The following CAMK1D variants were observed in gnomAD, a reference collection of about 807,000 sequenced individuals.
CAMK1D encodes calcium/calmodulin-dependent protein kinase type 1D.
In CAMK1D, 9 loss-of-function variants were observed where a neutral mutation model predicts 47.7. That is an observed-to-expected ratio of 0.19 (90% CI 0.11 to 0.33). The LOEUF (loss-of-function observed/expected upper bound fraction) is 0.33, where lower values mean the gene tolerates loss of function less well. CAMK1D is among the 10% of genes least tolerant of loss of function. The probability of loss-of-function intolerance (pLI) is 1.00; values close to 1 mark genes in which losing one functional copy is unlikely to be tolerated. For synonymous variants in CAMK1D, 184 were observed against 184.9 expected (o/e 0.99, Z 0.04); for missense variants, 291 against 488.7 (o/e 0.60, Z 3.81).
At chr10:12,503,014 G>A (rs913784930) in intron 1 of CAMK1D, among the ~76,000 whole-genome samples, 14 of 151,178 alleles carry the variant, frequency 9.3e-5, no homozygotes, top group African/African-American at 2.7e-4. Flanking sequence ...GCATGCACGC[G>A]TGTATATATG....
chr10:12,754,082 G>C (rs1047507455), intron 3 of CAMK1D, among the ~76,000 whole-genome samples: 2 of 152,048 alleles, frequency 1.3e-5, no homozygotes, highest in African/African-American at 4.8e-5. Context: ...GTAGAGATGG[G>C]ATTTCACCAT....
chr10:12,546,140 A>G (rs1404626716), intron 1 of CAMK1D, among the ~76,000 whole-genome samples: 1 of 152,236 alleles, frequency 6.6e-6, no homozygotes, highest in Non-Finnish European at 1.5e-5. Context: ...GGGTAATGAC[A>G]TAATCAAATC....
rs1251933659 is a variant in CAMK1D at position 12,801,426 on chromosome 10, T to A, written c.641+10193T>A. 2.0e-5 allele frequency among the ~76,000 whole-genome samples: 3 copies of A among 148,818 alleles called. No individual in the cohort carries two copies. The East Asian group carries it at 5.9e-4, about 29-fold the overall frequency. On this transcript the variant is annotated intron_variant, in intron 6 of 10. Coordinates refer to ENST00000619168, the MANE Select transcript of CAMK1D (RefSeq NM_153498.4). Reference sequence around the variant, plus strand: ...TCTGTCCATCTCATTCATCAACCCATCCTTCCATTCATCCATCCATCCATT... The same window carrying A: ...TCTGTCCATCTCATTCATCAACCCAACCTTCCATTCATCCATCCATCCATT...
intron 5 of CAMK1D, among the ~76,000 whole-genome samples, chr10:12,772,282 T>C (rs990309569): frequency 1.3e-5 from 2 of 152,136 alleles, no homozygotes; most frequent in African/African-American, 4.8e-5. Context: ...GGAGAGCCTG[T>C]TCCAACTATC....
intron 1 of CAMK1D, among the ~76,000 whole-genome samples, chr10:12,394,717 A>G (rs1838877188): frequency 6.6e-6 from 1 of 152,140 alleles, no homozygotes; most frequent in Admixed American, 6.6e-5. Flanking sequence ...GTGGGAAACC[A>G]GGTTAGAAAG....
At chr10:12,518,879 A>G (rs1377963263) in intron 1 of CAMK1D, among the ~76,000 whole-genome samples, 8 of 127,864 alleles carry the variant, frequency 6.3e-5, no homozygotes, top group East Asian at 2.1e-4. Context: ...AGTCTCCCAT[A>G]TCTACTTCTT....
chr10:12,721,087 C>A (rs888000726), intron 3 of CAMK1D, among the ~76,000 whole-genome samples: 2 of 152,286 alleles, frequency 1.3e-5, no homozygotes, highest in East Asian at 3.9e-4. Context: ...CTAAACTGTG[C>A]CACGTGATTA....
At chr10:12,816,437 C>T in intron 8 of CAMK1D, 109 bp downstream of exon 8, 2 of 849,242 alleles carry the variant, frequency 2.4e-6, no homozygotes, top group East Asian at 2.6e-5. Context: ...AGGATTATTA[C>T]AAATTTCATC....
At chr10:12,610,368 C>T (rs61526996) in intron 2 of CAMK1D, among the ~76,000 whole-genome samples, 2,766 of 152,232 alleles carry the variant, frequency 0.018, 76 homozygotes, top group African/African-American at 0.063. Flanking sequence ...ATCTCAACGC[C>T]GAGATTTGTC....
intron 3 of CAMK1D, among the ~76,000 whole-genome samples, chr10:12,680,728 T>A (rs1213034823): frequency 1.3e-5 from 2 of 152,088 alleles, no homozygotes; most frequent in Non-Finnish European, 2.9e-5. Context: ...AGGAAGCATT[T>A]AGAATTCTGC....
At chr10:12,430,785 G>A (rs1832446762) in intron 1 of CAMK1D, among the ~76,000 whole-genome samples, 1 of 152,128 alleles carries the variant, frequency 6.6e-6, no homozygotes, top group Non-Finnish European at 1.5e-5. Context: ...GGGTCTTGCT[G>A]TGTGGCCCCG....
At chr10:12,563,031 T>A (rs922452989) in intron 2 of CAMK1D, among the ~76,000 whole-genome samples, 1 of 152,190 alleles carries the variant, frequency 6.6e-6, no homozygotes, top group East Asian at 1.9e-4. Context: ...ACAAAAAGAT[T>A]TATTATGAGG....
rs1286240183 is a variant in CAMK1D at position 12,835,227 on chromosome 10, T to C, written c.*6340T>C. 6.6e-6 allele frequency: 1 copy of C among 152,206 alleles called. No homozygotes were observed. The highest frequency in any genetic ancestry group is 1.5e-5 in the Non-Finnish European group (1 of 68,046). The allele number at this position is 152,206 out of a possible 1,614,324, so 9.4% of individuals were successfully genotyped here. A position where few individuals can be genotyped will look rare whatever the true frequency, so the allele number is the denominator to read the frequency against. On this transcript the variant is annotated 3_prime_UTR_variant, in exon 11 of 11. Coordinates refer to ENST00000619168, the MANE Select transcript of CAMK1D (RefSeq NM_153498.4). ...CTTTCAGCTCCCCCAACAGTGAGCA[T>C]GCTTCCCAAAAAATTACAACATCAA...
At chr10:12,594,192 C>G (rs2132370434) in intron 2 of CAMK1D, among the ~76,000 whole-genome samples, 1 of 152,220 alleles carries the variant, frequency 6.6e-6, no homozygotes, top group Non-Finnish European at 1.5e-5. Context: ...AAGAGGTGAG[C>G]TCAGCTTAAG....
chr10:12,421,400 G>T (rs573677224), intron 1 of CAMK1D, among the ~76,000 whole-genome samples: 8 of 151,620 alleles, frequency 5.3e-5, no homozygotes, highest in Non-Finnish European at 1.2e-4. Flanking sequence ...TTCCCTAGCC[G>T]CAGTATAGCT....
At chr10:12,694,231 G>A (rs12778682) in intron 3 of CAMK1D, among the ~76,000 whole-genome samples, 278 of 2,464 alleles carry the variant, frequency 0.11, 70 homozygotes, top group South Asian at 0.21. Flanking sequence ...TATATATTAT[G>A]TATAATATAT....
chr10:12,755,447 T>A (rs1321289375), intron 3 of CAMK1D, among the ~76,000 whole-genome samples: 1 of 152,246 alleles, frequency 6.6e-6, no homozygotes, highest in African/African-American at 2.4e-5. Context: ...TTGTGAATAG[T>A]GCTGCAGTAA....
At chr10:12,823,591 C>G (rs963509636) in intron 8 of CAMK1D, among the ~76,000 whole-genome samples, 9 of 151,878 alleles carry the variant, frequency 5.9e-5, no homozygotes, top group Non-Finnish European at 1.2e-4. Context: ...AAGAAAGAGA[C>G]AGCAGAGGGA....
chr10:12,453,451 G>A (rs1436960112), intron 1 of CAMK1D, among the ~76,000 whole-genome samples: 1 of 152,082 alleles, frequency 6.6e-6, no homozygotes, highest in African/African-American at 2.4e-5. Context: ...GCCTCCCAAA[G>A]TGCTAGGATT....
Sources: gnomAD v4.1 joint callset for allele counts (sites outside exome capture counted in the v4.1 genomes callset) on GRCh38, gnomAD v4.1.1 for gene constraint, MANE v1.5 for transcripts, NCBI Gene and HGNC (gene_info 2026-07-23, HGNC 2026-07-21) for gene names.